TLE2: variants seen among roughly 807,000 people sequenced by gnomAD.
TLE2 encodes transducin-like enhancer protein 2.
Under a neutral mutation model 97.2 loss-of-function variants are expected in TLE2, and 74 were observed. The ratio of observed to expected loss-of-function variants is 0.76; its 90% confidence interval spans 0.63 to 0.92. The LOEUF is 0.92. TLE2 is among the 40% of genes least tolerant of loss of function. The pLI, the probability that TLE2 is intolerant of heterozygous loss-of-function variation, is 0.00. For synonymous variants in TLE2, 499 were observed against 432.1 expected (o/e 1.15, Z -1.92); for missense variants, 1,038 against 1,008.7 (o/e 1.03, Z -0.39).
upstream of TLE2, among the ~76,000 whole-genome samples, chr19:3,047,008 C>T (rs1414646465): frequency 9.1e-5 from 8 of 88,200 alleles, no homozygotes; most frequent in African/African-American, 3.2e-4. Context: ...GCTATTTTCT[C>T]TCCCTCCTCC....
At chr19:3,047,173 C>T (rs2090149950), upstream of TLE2, among the ~76,000 whole-genome samples, 2 of 99,086 alleles carry the variant, frequency 2.0e-5, no homozygotes, top group African/African-American at 8.2e-5. Flanking sequence ...CCTCCCCCTA[C>T]CCTCCCCCGT....
chr19:3,026,888 CCT>C lies in TLE2; in HGVS notation c.231+939_231+940del, dbSNP rs1209944870. ...CAGAACTCTGAGGTCTATCTCTGAC[CCT>C]TGAGGTCTATCTCTGAACCCTGAGG... On this transcript the variant is annotated intron_variant, in intron 4 of 19. Transcript: ENST00000262953. Among the ~76,000 whole-genome samples, 81 of 152,052 alleles carry C rather than the reference CCT, an allele frequency of 5.3e-4. 1 individual carries two copies. The highest frequency in any genetic ancestry group is 4.5e-3 in the Admixed American group (68 of 15,278).
At chr19:3,037,461 G>A (rs1023304161) in intron 1 of TLE2, among the ~76,000 whole-genome samples, 3 of 152,238 alleles carry the variant, frequency 2.0e-5, no homozygotes, top group Non-Finnish European at 2.9e-5. Flanking sequence ...GACAGAGTGA[G>A]CCTTGGGCTC....
At chr19:3,043,910 G>A (rs1340945649) in intron 1 of TLE2, among the ~76,000 whole-genome samples, 1 of 152,142 alleles carries the variant, frequency 6.6e-6, no homozygotes, top group Non-Finnish European at 1.5e-5. Context: ...CTTGAACCCA[G>A]GGGGCAGAGG....
At chr19:3,047,303 C>T (rs886166343), upstream of TLE2, among the ~76,000 whole-genome samples, 4 of 146,612 alleles carry the variant, frequency 2.7e-5, no homozygotes, top group Non-Finnish European at 6.1e-5. Context: ...GCTCGGAGCC[C>T]GCGCCTCCGC....
intron 19 of TLE2, among the ~76,000 whole-genome samples, chr19:2,999,789 T>G (rs2089313413): frequency 6.7e-6 from 1 of 149,670 alleles, no homozygotes; most frequent in South Asian, 2.1e-4. Flanking sequence ...TCCCAACACT[T>G]TGGGAGGCCA....
chr19:3,000,755 G>T, intron 18 of TLE2, 32 bp from the exon 19 acceptor site: 1 of 1,552,894 alleles, frequency 6.4e-7, no homozygotes, highest in East Asian at 2.4e-5. Context: ...GGTTCAAGGA[G>T]GGGGCACTAA....
At chr19:3,040,810 TAG>T (rs1221373538) in intron 1 of TLE2, among the ~76,000 whole-genome samples, 1 of 151,088 alleles carries the variant, frequency 6.6e-6, no homozygotes, top group Non-Finnish European at 1.5e-5. Context: ...CTCATTTTTT[TAG>T]ATTTTGTAGA....
chr19:2,997,914 T>G lies in TLE2; in HGVS notation c.2166A>C (p.Arg722Ser). 3.7e-6 allele frequency: 6 copies of G among 1,613,124 alleles called. No homozygotes were observed. The highest frequency in any genetic ancestry group is 1.3e-5 in the African/African-American group (1 of 74,974). The change falls in exon 20 of 20, where the codon AGA (arginine) becomes AGC (serine). Residue 722 changes from arginine (R) to serine (S), a missense_variant. Coordinates refer to ENST00000262953, the MANE Select transcript of TLE2 (RefSeq NM_003260.5). ...AGCCTGTCACGATGTATTTGTTATTTCTGGAGATGTCACAACTCAGGACTG... is the reference window on the plus strand; with the variant it reads ...AGCCTGTCACGATGTATTTGTTATTGCTGGAGATGTCACAACTCAGGACTG... Reference protein sequence around the residue: ...SSSVLSCDISRNNKYIVTGSG... With the variant: ...SSSVLSCDISSNNKYIVTGSG...
chr19:3,038,444 C>G (rs931839207), intron 1 of TLE2, among the ~76,000 whole-genome samples: 1 of 152,234 alleles, frequency 6.6e-6, no homozygotes, highest in African/African-American at 2.4e-5. Context: ...AACTCCTGGG[C>G]TCAAGCAGTC....
intron 7 of TLE2, among the ~76,000 whole-genome samples, chr19:3,018,071 T>C (rs972246389): frequency 6.6e-6 from 1 of 151,446 alleles, no homozygotes; most frequent in Non-Finnish European, 1.5e-5. Flanking sequence ...GTGACTTGCC[T>C]CAAGACACAC....
rs1263292972 is a variant in TLE2 at position 3,029,046 on chromosome 19, C to T, written c.-142G>A. On this transcript the variant is annotated 5_prime_UTR_variant, in exon 1 of 20. Transcript: ENST00000262953. ...GGAGAAGCGGCGCGGGGCAAGGGAC[C>T]CTGGAGTCCCTGGCGCGCCCCCAAG... The T allele has an allele frequency of 1.1e-5, 16 of 1,414,200 alleles. No homozygotes were observed. Among genetic ancestry groups the T allele is most frequent in the African/African-American group, 2.9e-5 (2 of 68,678 alleles). The allele number at this position is 1,414,200 out of a possible 1,614,324, so 87.6% of individuals were successfully genotyped here. A position where few individuals can be genotyped will look rare whatever the true frequency, so the allele number is the denominator to read the frequency against.
chr19:3,042,870 G>A (rs1463772932), intron 1 of TLE2, among the ~76,000 whole-genome samples: 1 of 152,166 alleles, frequency 6.6e-6, no homozygotes, highest in Non-Finnish European at 1.5e-5. Flanking sequence ...ACTTGGAGAA[G>A]GAGGGGGACA....
chr19:3,040,991 T>TTATATATATATATATATATATATG (rs1168113732), intron 1 of TLE2, among the ~76,000 whole-genome samples: 1 of 29,732 alleles, frequency 3.4e-5, no homozygotes, highest in Non-Finnish European at 5.7e-5. Flanking sequence ...CTGCTGCCAT[T>TTATATATATATATATATATATATG]TATATATATA....
rs375192918 is a variant in TLE2 at position 3,006,561 on chromosome 19, C to G, written c.1359G>C (p.Thr453=). 1.0e-4 allele frequency: 162 copies of G among 1,603,394 alleles called. No homozygotes were observed. The African/African-American group carries it at 1.8e-3, about 18-fold the overall frequency. ...GIPRHARQLH[T]LAHGEVVCAV... ...CGCAGACCACCTCGCCATGGGCCAGCGTGTGCAGCTGCCGGGCGTGCCGCG... is the reference window on the plus strand; with the variant it reads ...CGCAGACCACCTCGCCATGGGCCAGGGTGTGCAGCTGCCGGGCGTGCCGCG... Residue 453 remains threonine (T), a synonymous_variant, in exon 15 of 20, where the codon ACG becomes ACC. Transcript: ENST00000262953.
At chr19:3,001,658 G>C (rs1460628532) in intron 18 of TLE2, among the ~76,000 whole-genome samples, 1 of 151,620 alleles carries the variant, frequency 6.6e-6, no homozygotes, top group Non-Finnish European at 1.5e-5. Flanking sequence ...TAATTTTTTT[G>C]TAGAGAAAGT....
upstream of TLE2, among the ~76,000 whole-genome samples, chr19:3,033,577 T>C (rs1279712816): frequency 2.0e-5 from 3 of 152,184 alleles, no homozygotes; most frequent in Admixed American, 6.5e-5. Flanking sequence ...GGATTACAGG[T>C]GTGAGCCACC....
intron 19 of TLE2, among the ~76,000 whole-genome samples, chr19:2,999,408 T>A (rs2089299955): frequency 6.6e-6 from 1 of 152,136 alleles, no homozygotes; most frequent in Admixed American, 6.6e-5. Context: ...TTTTAAAATT[T>A]CAATCACTGC....
At chr19:3,041,970 C>T (rs192437190) in intron 1 of TLE2, among the ~76,000 whole-genome samples, 199 of 152,054 alleles carry the variant, frequency 1.3e-3, no homozygotes, top group South Asian at 4.3e-3. Flanking sequence ...CAGGGTCGCC[C>T]GCCCCCTCCT....
Sources: allele counts gnomAD v4.1 joint callset (sites outside exome capture counted in the v4.1 genomes callset), GRCh38; gene constraint gnomAD v4.1.1; transcripts MANE v1.5; gene names NCBI Gene and HGNC (gene_info 2026-07-23, HGNC 2026-07-21).